Variants in CNIH3 observed in about 807,000 individuals in gnomAD.
The protein encoded by CNIH3 is protein cornichon homolog 3.
In CNIH3, 14 loss-of-function variants were observed where a neutral mutation model predicts 24.1. That is an observed-to-expected ratio of 0.58 (90% CI 0.38 to 0.91). The LOEUF is 0.91. CNIH3 is among the 40% of genes least tolerant of loss of function. The pLI is 0.00. For synonymous variants in CNIH3, 68 were observed against 73.8 expected (o/e 0.92, Z 0.40); for missense variants, 178 against 196.8 (o/e 0.90, Z 0.57).
At chr1:224,505,363 G>A (rs1008860856) in intron 1 of CNIH3, among the ~76,000 whole-genome samples, 4 of 151,778 alleles carry the variant, frequency 2.6e-5, no homozygotes, top group East Asian at 3.9e-4. Flanking sequence ...ACACGTAGTG[G>A]GTACTCAGGT....
intron 1 of CNIH3, among the ~76,000 whole-genome samples, chr1:224,465,674 T>C (rs1269511147): frequency 6.6e-6 from 1 of 152,224 alleles, no homozygotes; most frequent in Non-Finnish European, 1.5e-5. Context: ...AAAGGTCCTG[T>C]GCATCCTTCA....
At chr1:224,732,165 G>A (rs1689368752) in intron 4 of CNIH3, among the ~76,000 whole-genome samples, 2 of 152,138 alleles carry the variant, frequency 1.3e-5, no homozygotes, top group African/African-American at 4.8e-5. Context: ...AGAGGTGAGA[G>A]AGCCTTGACC....
At chr1:224,586,316 A>G (rs1681506093) in intron 5 of CNIH3, among the ~76,000 whole-genome samples, 1 of 152,220 alleles carries the variant, frequency 6.6e-6, no homozygotes, top group Non-Finnish European at 1.5e-5. Context: ...CAGTCATGGT[A>G]GAAGGTGAAA....
chr1:224,705,067 G>T (rs1033870263), intron 3 of CNIH3, among the ~76,000 whole-genome samples: 16 of 151,344 alleles, frequency 1.1e-4, no homozygotes, highest in African/African-American at 3.6e-4. Context: ...GCAGTGAGCC[G>T]AGATCACACC....
intron 1 of CNIH3, among the ~76,000 whole-genome samples, chr1:224,622,519 G>C (rs777120182): frequency 6.6e-6 from 1 of 152,206 alleles, no homozygotes; most frequent in African/African-American, 2.4e-5. Flanking sequence ...CGTCATCATT[G>C]TATTTCCACT....
At chr1:224,615,844 T>TA (rs11432147), upstream of CNIH3, 3,545 of 152,080 alleles carry the variant, frequency 0.023, 121 homozygotes, top group African/African-American at 0.072. Context: ...TACAGTTTGG[T>TA]AAAATCCATC....
chr1:224,577,887 C>T (rs560976614), intron 4 of CNIH3, among the ~76,000 whole-genome samples: 7 of 152,046 alleles, frequency 4.6e-5, no homozygotes, highest in East Asian at 1.9e-4. Flanking sequence ...ACTATTTAGC[C>T]ATAAAAAGGA....
At chr1:224,561,125 G>T (rs73115936) in intron 3 of CNIH3, among the ~76,000 whole-genome samples, 2,118 of 152,100 alleles carry the variant, frequency 0.014, 50 homozygotes, top group African/African-American at 0.048. Flanking sequence ...AATATAGTCT[G>T]GTTATGAGCC....
chr1:224,602,446 ATTGT>A (rs918198845), intron 3 of CNIH3, among the ~76,000 whole-genome samples: 7 of 151,928 alleles, frequency 4.6e-5, no homozygotes, highest in Non-Finnish European at 1.0e-4. Flanking sequence ...TGATCTTTTG[ATTGT>A]TTTTGTCATT....
chr1:224,732,591 C>T (rs945044505), intron 4 of CNIH3, among the ~76,000 whole-genome samples: 4 of 152,126 alleles, frequency 2.6e-5, no homozygotes, highest in Non-Finnish European at 2.9e-5. Flanking sequence ...CACCTCTGTA[C>T]GAATTCCAGT....
At chr1:224,533,893 A>G (rs1192193411) in intron 2 of CNIH3, among the ~76,000 whole-genome samples, 3 of 152,236 alleles carry the variant, frequency 2.0e-5, no homozygotes, top group African/African-American at 4.8e-5. Flanking sequence ...GGCTGGGAGC[A>G]GTGGCTTGCG....
chr1:224,521,708 G>A (rs1052076341), intron 2 of CNIH3, among the ~76,000 whole-genome samples: 6 of 152,204 alleles, frequency 3.9e-5, no homozygotes, highest in Non-Finnish European at 5.9e-5. Context: ...CTGACACAAA[G>A]GGGTGGTAGA....
downstream of CNIH3, among the ~76,000 whole-genome samples, chr1:224,593,373 G>A (rs1304925735): frequency 6.6e-6 from 1 of 151,972 alleles, no homozygotes; most frequent in African/African-American, 2.4e-5. Context: ...TGCTGCATCC[G>A]GTCCACACAG....
At chr1:224,543,631 A>G (rs548792317) in intron 2 of CNIH3, among the ~76,000 whole-genome samples, 3 of 152,138 alleles carry the variant, frequency 2.0e-5, no homozygotes, top group Admixed American at 2.0e-4. Context: ...GCACTTCCAA[A>G]TGGTTTTTAT....
intron 1 of CNIH3, among the ~76,000 whole-genome samples, chr1:224,657,930 A>G (rs1210092513): frequency 6.6e-6 from 1 of 152,218 alleles, no homozygotes; most frequent in Non-Finnish European, 1.5e-5. Flanking sequence ...CATAATCATA[A>G]TTATTACTGA....
intron 1 of CNIH3, among the ~76,000 whole-genome samples, chr1:224,487,115 C>G (rs910045245): frequency 7.9e-5 from 12 of 152,202 alleles, no homozygotes; most frequent in Admixed American, 7.2e-4. Flanking sequence ...ATAAGACATT[C>G]TCAGCAGCTC....
chr1:224,478,283 GCC>G (rs1676663899), intron 1 of CNIH3, among the ~76,000 whole-genome samples: 9 of 151,966 alleles, frequency 5.9e-5, no homozygotes, highest in Admixed American at 5.2e-4. Context: ...TCTCTTTAAG[GCC>G]AATAACTCTT....
chr1:224,658,675 C>G (rs540829860), intron 1 of CNIH3, among the ~76,000 whole-genome samples: 2 of 150,256 alleles, frequency 1.3e-5, no homozygotes, highest in East Asian at 3.9e-4. Context: ...GATAATAAGA[C>G]AGCAAAGACA....
intron 3 of CNIH3, among the ~76,000 whole-genome samples, chr1:224,685,574 C>T (rs1686616603): frequency 6.6e-6 from 1 of 152,196 alleles, no homozygotes; most frequent in Non-Finnish European, 1.5e-5. Context: ...AACCTCTGTA[C>T]AGAGTGGATG....
Sources: gnomAD v4.1 joint callset for allele counts (sites outside exome capture counted in the v4.1 genomes callset) on GRCh38, gnomAD v4.1.1 for gene constraint, MANE v1.5 for transcripts, NCBI Gene and HGNC (gene_info 2026-07-23, HGNC 2026-07-21) for gene names.